The following RAPGEF5 variants were observed in gnomAD, a reference collection of about 807,000 sequenced individuals.
RAPGEF5 encodes M-Ras-regulated GEF.
A neutral mutation model predicts 125.2 loss-of-function variants in RAPGEF5; 65 were observed. The ratio of observed to expected loss-of-function variants is 0.52; its 90% CI spans 0.43 to 0.64. RAPGEF5 has a LOEUF of 0.64. RAPGEF5 is among the 30% of genes least tolerant of loss of function. RAPGEF5 has a pLI of 0.00. For missense variants in RAPGEF5, 958 were observed against 1,048.1 expected (o/e 0.91, Z 1.19); for synonymous variants, 391 against 385.9 (o/e 1.01, Z -0.16).
intron 8 of RAPGEF5, among the ~76,000 whole-genome samples, chr7:22,229,227 G>C (rs534210153): frequency 9.2e-5 from 14 of 152,286 alleles, no homozygotes; most frequent in African/African-American, 3.4e-4. Flanking sequence ...TTTTTAGTGA[G>C]AGTAAGAAAA....
At chr7:22,144,532 G>A (rs1783365968) in intron 20 of RAPGEF5, among the ~76,000 whole-genome samples, 2 of 152,298 alleles carry the variant, frequency 1.3e-5, no homozygotes, top group South Asian at 4.1e-4. Context: ...TCATGGGAGG[G>A]ACAGACATTT....
intron 3 of RAPGEF5, among the ~76,000 whole-genome samples, chr7:22,311,997 T>C (rs1043935740): frequency 2.0e-5 from 3 of 152,218 alleles, no homozygotes; most frequent in Admixed American, 6.5e-5. Context: ...ACCTGGACTA[T>C]GAAAGAACAC....
At position 22,308,280 on chromosome 7, in the gene RAPGEF5, G is replaced by A; in HGVS notation, c.680+59C>T. The stretch of plus-strand genomic sequence containing the variant: ...CTTAAAGAGCAGAATATAGTCCCTA[G>A]ACATGGTAAATGTTGTCTAAGTGTA... On this transcript the variant is annotated intron_variant, in intron 5 of 25. Coordinates refer to ENST00000665637, the MANE Select transcript of RAPGEF5 (RefSeq NM_012294.5). The A allele has an allele frequency of 6.1e-6, 9 of 1,466,980 alleles. 1 individual carries two copies. The Middle Eastern group carries it at 1.1e-3, about 172-fold the overall frequency. 90.9% of individuals were successfully genotyped at this position (1,466,980 alleles called of 1,614,324 possible).
chr7:22,154,720 TTC>T, intron 16 of RAPGEF5, 116 bp from the exon 17 acceptor site: 3 of 1,155,968 alleles, frequency 2.6e-6, no homozygotes, highest in Non-Finnish European at 3.6e-6. Flanking sequence ...GGCTATTCTC[TTC>T]AGTATAACAC....
intron 1 of RAPGEF5, among the ~76,000 whole-genome samples, chr7:22,339,156 G>A (rs1265397760): frequency 6.6e-6 from 1 of 152,296 alleles, no homozygotes; most frequent in East Asian, 1.9e-4. Flanking sequence ...TAAATACACT[G>A]TGCATGCAGC....
At chr7:22,186,319 A>T (rs1391296824) in intron 11 of RAPGEF5, among the ~76,000 whole-genome samples, 1 of 152,238 alleles carries the variant, frequency 6.6e-6, no homozygotes, top group Non-Finnish European at 1.5e-5. Context: ...TGTTATTTTT[A>T]AAATTTCAAT....
At chr7:22,310,114 C>T (rs529186408) in intron 3 of RAPGEF5, 24 bp from the exon 4 acceptor site, 2 of 1,506,772 alleles carry the variant, frequency 1.3e-6, no homozygotes, top group Admixed American at 2.5e-5. Flanking sequence ...AAGCCATTCA[C>T]AGTAAGATAT....
chr7:22,335,691 C>CAA (rs71653120), intron 1 of RAPGEF5, among the ~76,000 whole-genome samples: 18 of 102,702 alleles, frequency 1.8e-4, no homozygotes, highest in Non-Finnish European at 2.5e-4. Flanking sequence ...AAGAAACAAG[C>CAA]AAAAAAAAAA....
intron 8 of RAPGEF5, among the ~76,000 whole-genome samples, chr7:22,220,577 A>G (rs181387503): frequency 2.3e-4 from 35 of 152,362 alleles, no homozygotes; most frequent in Admixed American, 1.3e-3. Context: ...TTTGCTAAAA[A>G]TAAGACACTG....
chr7:22,193,075 T>C (rs555350479), intron 11 of RAPGEF5: 1 of 491,878 alleles, frequency 2.0e-6, no homozygotes, highest in South Asian at 3.1e-5. Context: ...AATGTTGGTC[T>C]CTTGCCAACT....
At chr7:22,292,513 T>C (rs527284867) in intron 5 of RAPGEF5, among the ~76,000 whole-genome samples, 17 of 152,312 alleles carry the variant, frequency 1.1e-4, no homozygotes, top group Non-Finnish European at 2.1e-4. Flanking sequence ...GAACTGAGCA[T>C]TATAACTTGG....
chr7:22,301,767 C>A (rs1783210786), intron 5 of RAPGEF5, among the ~76,000 whole-genome samples: 1 of 152,082 alleles, frequency 6.6e-6, no homozygotes, highest in African/African-American at 2.4e-5. Context: ...TTGGGAAGAG[C>A]TGAATATTCC....
intron 6 of RAPGEF5, among the ~76,000 whole-genome samples, chr7:22,270,578 A>G (rs943854565): frequency 6.6e-6 from 1 of 152,180 alleles, no homozygotes; most frequent in East Asian, 1.9e-4. Flanking sequence ...TTTTTATCCA[A>G]TGAGGATACA....
rs188261754 is a variant in RAPGEF5, at chr7:22,263,877, T to C, written c.796+3087A>G. ...TAGTGGTTAGATTGGTGAGATGATATATAACTTTCAAATTTCTTCTTCATT... is the reference window on the plus strand; with the variant it reads ...TAGTGGTTAGATTGGTGAGATGATACATAACTTTCAAATTTCTTCTTCATT... On this transcript the variant is annotated intron_variant, in intron 7 of 25. Transcript: ENST00000665637. 2.4e-4 allele frequency among the ~76,000 whole-genome samples: 36 copies of C among 152,290 alleles called. 1 individual carries two copies. The highest frequency in any genetic ancestry group is 8.2e-4 in the African/African-American group (34 of 41,576).
chr7:22,199,531 G>GAAAAA (rs35024654), intron 9 of RAPGEF5, among the ~76,000 whole-genome samples: 3 of 62,830 alleles, frequency 4.8e-5, no homozygotes, highest in Non-Finnish European at 8.5e-5. Flanking sequence ...CCTTAAAATT[G>GAAAAA]AAAAAAAAAA....
At chr7:22,179,380 T>C (rs1056539244) in intron 11 of RAPGEF5, among the ~76,000 whole-genome samples, 2 of 152,214 alleles carry the variant, frequency 1.3e-5, no homozygotes, top group African/African-American at 2.4e-5. Context: ...AAAGTACTTA[T>C]AGCTAACTAA....
chr7:22,336,790 C>T (rs942497217), intron 1 of RAPGEF5, among the ~76,000 whole-genome samples: 1 of 152,204 alleles, frequency 6.6e-6, no homozygotes, highest in Non-Finnish European at 1.5e-5. Context: ...TTTCCCTTTT[C>T]ACCCAATAAA....
intron 7 of RAPGEF5, among the ~76,000 whole-genome samples, chr7:22,255,530 G>T (rs1335701136): frequency 1.3e-5 from 2 of 152,152 alleles, no homozygotes; most frequent in African/African-American, 4.8e-5. Flanking sequence ...GAGGTAGATT[G>T]CAGTGAGCCA....
intron 1 of RAPGEF5, among the ~76,000 whole-genome samples, chr7:22,337,459 G>T (rs561483688): frequency 1.3e-5 from 2 of 152,324 alleles, no homozygotes; most frequent in East Asian, 3.9e-4. Context: ...CTCCAAAACG[G>T]CTGATAATTG....
Sources: allele counts gnomAD v4.1 joint callset (sites outside exome capture counted in the v4.1 genomes callset), GRCh38; gene constraint gnomAD v4.1.1; transcripts MANE v1.5; gene names NCBI Gene and HGNC (gene_info 2026-07-23, HGNC 2026-07-21).